The following MAML2 variants were observed in gnomAD, a reference collection of about 807,000 sequenced individuals.
MAML2 encodes the protein mastermind-like protein 2.
A neutral mutation model predicts 96.1 loss-of-function variants in MAML2; 22 were observed. The observed-to-expected ratio is 0.23, with a 90% CI of 0.16 to 0.33. MAML2 has a LOEUF of 0.33. Among genes scored for constraint, MAML2 ranks in the 10% least tolerant of loss-of-function variants. The pLI is 1.00. For missense variants in MAML2, 1,367 were observed against 1,392.4 expected (o/e 0.98, Z 0.29); for synonymous variants, 561 against 521.3 (o/e 1.08, Z -1.04).
intron 1 of MAML2, among the ~76,000 whole-genome samples, chr11:96,295,936 A>AC: frequency 1.9e-5 from 2 of 106,792 alleles, no homozygotes; most frequent in South Asian, 3.1e-4. Context: ...TCAGAACAGT[A>AC]AACACACACA....
Position 96,281,061 on chromosome 11 carries a change from T to G in MAML2, c.513+60322A>C, listed in dbSNP as rs1863057314. 2.0e-5 allele frequency among the ~76,000 whole-genome samples: 3 copies of G among 152,326 alleles called. No individual in the cohort carries two copies. The South Asian group carries it at 6.2e-4, about 32-fold the overall frequency. On this transcript the variant is annotated intron_variant, in intron 1 of 4. Coordinates refer to ENST00000524717, the MANE Select transcript of MAML2 (RefSeq NM_032427.4). ...AGCATCATTAATATTAAAATGCAAA[T>G]TAATGCATTATTTGCAAGTTTTCAA...
At chr11:96,266,906 G>A (rs943455525) in intron 1 of MAML2, among the ~76,000 whole-genome samples, 2 of 152,148 alleles carry the variant, frequency 1.3e-5, no homozygotes, top group African/African-American at 2.4e-5. Context: ...TTAGAAATAC[G>A]TGAGGCTTAA....
chr11:96,236,254 C>T (rs1862365571), intron 1 of MAML2, among the ~76,000 whole-genome samples: 1 of 152,222 alleles, frequency 6.6e-6, no homozygotes, highest in South Asian at 2.1e-4. Context: ...GAATTGTCTC[C>T]TCTCTTCCAA....
At chr11:96,305,217 C>T (rs981255089) in intron 1 of MAML2, among the ~76,000 whole-genome samples, 6 of 152,106 alleles carry the variant, frequency 3.9e-5, no homozygotes, top group African/African-American at 1.4e-4. Context: ...GAAGGATAAA[C>T]AGGCAGAGCA....
chr11:96,232,067 T>C (rs1484259198), intron 1 of MAML2, among the ~76,000 whole-genome samples: 1 of 152,226 alleles, frequency 6.6e-6, no homozygotes, highest in Non-Finnish European at 1.5e-5. Context: ...AGTTTGCCTC[T>C]GGCTGATGTA....
chr11:96,243,945 C>A (rs1368976561), intron 1 of MAML2, among the ~76,000 whole-genome samples: 1 of 152,208 alleles, frequency 6.6e-6, no homozygotes, highest in Non-Finnish European at 1.5e-5. Context: ...CCGGCCCAGT[C>A]ATCCTTCTTT....
chr11:95,985,018 T>A (rs1857803946), intron 4 of MAML2, among the ~76,000 whole-genome samples: 1 of 152,206 alleles, frequency 6.6e-6, no homozygotes, highest in African/African-American at 2.4e-5. Flanking sequence ...AGATTTGCTT[T>A]GTGATTTAAA....
chr11:96,253,498 T>C (rs927612421), intron 1 of MAML2, among the ~76,000 whole-genome samples: 7 of 152,210 alleles, frequency 4.6e-5, no homozygotes, highest in Non-Finnish European at 8.8e-5. Context: ...TGCCATCTTG[T>C]TTACGAAGCA....
intron 1 of MAML2, among the ~76,000 whole-genome samples, chr11:96,303,489 T>C (rs1863418683): frequency 6.6e-6 from 1 of 152,236 alleles, no homozygotes; most frequent in African/African-American, 2.4e-5. Context: ...GAGGTAAGTA[T>C]ATACTGAAAC....
chr11:96,009,958 C>T (rs183483395), intron 2 of MAML2, among the ~76,000 whole-genome samples: 30 of 152,202 alleles, frequency 2.0e-4, no homozygotes, highest in Admixed American at 1.6e-3. Context: ...ATTTATAAGG[C>T]GTGGGTTATG....
At chr11:96,106,627 A>C (rs190013614) in intron 1 of MAML2, among the ~76,000 whole-genome samples, 85 of 152,330 alleles carry the variant, frequency 5.6e-4, no homozygotes, top group Non-Finnish European at 1.0e-3. Context: ...GAGTCTGCTT[A>C]AAATTTCAAA....
chr11:96,068,672 CA>C (rs1255585703), intron 2 of MAML2, among the ~76,000 whole-genome samples: 17 of 151,300 alleles, frequency 1.1e-4, no homozygotes, highest in African/African-American at 4.1e-4. Context: ...ACTAAAAATA[CA>C]AAAAAAATTA....
At chr11:96,102,984 C>T (rs140638802) in intron 1 of MAML2, among the ~76,000 whole-genome samples, 132 of 152,306 alleles carry the variant, frequency 8.7e-4, no homozygotes, top group Non-Finnish European at 1.2e-3. Flanking sequence ...GCAGAATTTA[C>T]GATGCATTAA....
chr11:96,255,551 T>G (rs1862652422), intron 1 of MAML2, among the ~76,000 whole-genome samples: 2 of 152,224 alleles, frequency 1.3e-5, no homozygotes, highest in Admixed American at 1.3e-4. Flanking sequence ...TTTTCCTGGT[T>G]ATTTGGGTTG....
intron 2 of MAML2, among the ~76,000 whole-genome samples, chr11:96,050,501 C>CA (rs1858973930): frequency 6.6e-6 from 1 of 152,170 alleles, no homozygotes; most frequent in Admixed American, 6.5e-5. Flanking sequence ...AAAGAGTTAA[C>CA]AAAAACTCTT....
At chr11:96,060,845 G>A (rs1859146710) in intron 2 of MAML2, among the ~76,000 whole-genome samples, 1 of 152,140 alleles carries the variant, frequency 6.6e-6, no homozygotes, top group Non-Finnish European at 1.5e-5. Flanking sequence ...CTGTAACAAA[G>A]CAGTAGCTCA....
rs1861217832 is a variant in MAML2, at chr11:96,167,837, G to A, written c.514-74320C>T. ...TTCTCACTGAGCCATATATTTTTCT[G>A]GAAGCCTTTCTTGACACCGTTGGCA... On this transcript the variant is annotated intron_variant, in intron 1 of 4. Coordinates refer to ENST00000524717, the MANE Select transcript of MAML2 (RefSeq NM_032427.4). Among the ~76,000 whole-genome samples the A allele has an allele frequency of 2.6e-5, 4 of 152,242 alleles. No individual in the cohort carries two copies. In the South Asian group the frequency reaches 8.3e-4, roughly 32 times the overall value.
chr11:96,307,250 T>C (rs1011125317), intron 1 of MAML2, among the ~76,000 whole-genome samples: 5 of 152,202 alleles, frequency 3.3e-5, no homozygotes, highest in African/African-American at 1.2e-4. Flanking sequence ...GTGCTCATTA[T>C]CATCTATGAA....
intron 1 of MAML2, among the ~76,000 whole-genome samples, chr11:96,145,412 C>T (rs1860800557): frequency 6.6e-6 from 1 of 152,212 alleles, no homozygotes; most frequent in Admixed American, 6.5e-5. Context: ...TCTCTTTACT[C>T]TGCCTCCTCA....
Sources: gnomAD v4.1 joint callset for allele counts (sites outside exome capture counted in the v4.1 genomes callset) on GRCh38, gnomAD v4.1.1 for gene constraint, MANE v1.5 for transcripts, NCBI Gene and HGNC (gene_info 2026-07-23, HGNC 2026-07-21) for gene names.